KCNH7: variants seen among roughly 807,000 people sequenced by gnomAD.
KCNH7 encodes the protein potassium voltage-gated channel subfamily H member 7, also known as voltage-gated inwardly rectifying potassium channel KCNH7.
A neutral mutation model predicts 120.8 loss-of-function variants in KCNH7; 49 were observed. The ratio of observed to expected loss-of-function variants is 0.41; its 90% confidence interval spans 0.32 to 0.51. The LOEUF (loss-of-function observed/expected upper bound fraction) is 0.51. KCNH7 is among the 20% of genes least tolerant of loss of function. The pLI is 0.38. For missense variants in KCNH7, 1,097 were observed against 1,446.6 expected (o/e 0.76, Z 3.92); for synonymous variants, 547 against 516.1 (o/e 1.06, Z -0.81).
intron 2 of KCNH7, among the ~76,000 whole-genome samples, chr2:162,577,185 G>T (rs183332602): frequency 4.2e-4 from 64 of 152,046 alleles, no homozygotes; most frequent in African/African-American, 1.5e-3. Flanking sequence ...CTCTGAAAGT[G>T]CTGGGATTAC....
intron 2 of KCNH7, among the ~76,000 whole-genome samples, chr2:162,652,693 G>A (rs1167427453): frequency 1.3e-5 from 2 of 152,108 alleles, no homozygotes; most frequent in African/African-American, 4.8e-5. Context: ...TTCCTAACAG[G>A]CCACGGACTG....
chr2:162,485,009 G>A (rs549826443), intron 6 of KCNH7, among the ~76,000 whole-genome samples: 72 of 152,228 alleles, frequency 4.7e-4, no homozygotes, highest in Admixed American at 1.0e-3. Context: ...AGAGCCACAC[G>A]AAACAGATTA....
intron 2 of KCNH7, among the ~76,000 whole-genome samples, chr2:162,601,420 T>TTTTTTTTTTTTTTTTTTTC (rs1694551582): frequency 7.0e-6 from 1 of 143,622 alleles, no homozygotes. Flanking sequence ...TTTTTTTTTT[T>TTTTTTTTTTTTTTTTTTTC]TTTTTTGCTT....
At position 162,480,143 on chromosome 2, in the gene KCNH7, G is replaced by GT. The variant is rs555131987; in HGVS notation, c.1128+24299dup. Among the ~76,000 whole-genome samples the GT allele has an allele frequency of 6.3e-3, 939 of 148,970 alleles. 3 individuals carry two copies. Among genetic ancestry groups the GT allele is most frequent in the Admixed American group, 0.013 (192 of 15,002 alleles). The stretch of plus-strand genomic sequence containing the variant: ...TCAGGTTACTTACTTTAAGAATTCT[G>GT]TTTTTTTTTTAAATTTAAGCCTTAT... On this transcript the variant is annotated intron_variant, in intron 6 of 15. Transcript: ENST00000332142.
chr2:162,414,811 T>G (rs1263002400), intron 9 of KCNH7, among the ~76,000 whole-genome samples: 1 of 152,112 alleles, frequency 6.6e-6, no homozygotes, highest in Non-Finnish European at 1.5e-5. Context: ...GTTGCAATTT[T>G]ATTTAAGTAA....
In KCNH7 at chr2:162,706,381, A is replaced by G. The variant is rs866262061; in HGVS notation, c.307+130156T>C. On this transcript the variant is annotated intron_variant, in intron 2 of 15. Transcript: ENST00000332142. ...GATAATGATGATTTGAACAGTTTCC[A>G]TATACTTCCCACTATGTACTTTATG... Among the ~76,000 whole-genome samples, 9 of 152,094 alleles carry G rather than the reference A, an allele frequency of 5.9e-5. No individual in the cohort carries two copies. In the South Asian group the frequency reaches 6.2e-4, roughly 10 times the overall value.
intron 3 of KCNH7, among the ~76,000 whole-genome samples, chr2:162,525,614 T>C (rs1691673998): frequency 6.6e-6 from 1 of 152,024 alleles, no homozygotes; most frequent in African/African-American, 2.4e-5. Context: ...ACCCATACTT[T>C]CTTTTTGATA....
At chr2:162,772,438 C>T (rs1683089785) in intron 2 of KCNH7, among the ~76,000 whole-genome samples, 1 of 152,198 alleles carries the variant, frequency 6.6e-6, no homozygotes, top group South Asian at 2.1e-4. Flanking sequence ...TATATTATCA[C>T]ATTCAATCCC....
Position 162,757,548 on chromosome 2 carries a change from C to T in KCNH7, c.307+78989G>A, listed in dbSNP as rs148992143. Among the ~76,000 whole-genome samples, 1,185 of 152,026 alleles carry T rather than the reference C, an allele frequency of 7.8e-3. 15 individuals are homozygous for T. Among genetic ancestry groups the T allele is most frequent in the African/African-American group, 0.025 (1,052 of 41,488 alleles). On this transcript the variant is annotated intron_variant, in intron 2 of 15. Coordinates refer to ENST00000332142, the MANE Select transcript of KCNH7 (RefSeq NM_033272.4). ...TAGCCATTTCTCCCTGTAATCCCCA[C>T]AAAAAAATGTATATATCTTTAGAAA...
At chr2:162,415,414 A>G (rs1687509579) in intron 9 of KCNH7, among the ~76,000 whole-genome samples, 4 of 152,300 alleles carry the variant, frequency 2.6e-5, no homozygotes, top group African/African-American at 7.2e-5. Context: ...AAATGTATGT[A>G]TATGATATGC....
At chr2:162,405,697 GATGT>G (rs904169907) in intron 9 of KCNH7, among the ~76,000 whole-genome samples, 1 of 152,006 alleles carries the variant, frequency 6.6e-6, no homozygotes, top group African/African-American at 2.4e-5. Flanking sequence ...CTTCTGATTT[GATGT>G]ATGTGCTTAT....
rs75315534 is a variant in KCNH7 at position 162,589,760 on chromosome 2, G to T, written c.308-52680C>A. Among the ~76,000 whole-genome samples the T allele has an allele frequency of 7.6e-4, 116 of 152,154 alleles. 1 individual carries two copies. The South Asian group carries it at 0.017, about 22-fold the overall frequency. On this transcript the variant is annotated intron_variant, in intron 2 of 15. Coordinates refer to ENST00000332142, the MANE Select transcript of KCNH7 (RefSeq NM_033272.4). Reference sequence around the variant, plus strand: ...TAAAACCATGAATTTAACATAAGAAGACACCAAATTTTCAGATTTTATACT... The same window carrying T: ...TAAAACCATGAATTTAACATAAGAATACACCAAATTTTCAGATTTTATACT...
At chr2:162,787,437 C>G (rs1202781359) in intron 2 of KCNH7, among the ~76,000 whole-genome samples, 2 of 152,156 alleles carry the variant, frequency 1.3e-5, no homozygotes, top group Non-Finnish European at 2.9e-5. Flanking sequence ...CCAGGACCAA[C>G]CCGGTGCCAG....
intron 2 of KCNH7, among the ~76,000 whole-genome samples, chr2:162,642,054 A>G (rs1684175174): frequency 6.6e-6 from 1 of 152,270 alleles, no homozygotes; most frequent in Non-Finnish European, 1.5e-5. Flanking sequence ...TTTCAAATGA[A>G]ACTAAAGACT....
At chr2:162,617,823 TA>T (rs1683203836) in intron 2 of KCNH7, among the ~76,000 whole-genome samples, 1 of 152,098 alleles carries the variant, frequency 6.6e-6, no homozygotes, top group South Asian at 2.1e-4. Context: ...AATTTCTAAA[TA>T]GGGGGAATAA....
At chr2:162,792,936 A>T (rs1047169739) in intron 2 of KCNH7, among the ~76,000 whole-genome samples, 2 of 151,320 alleles carry the variant, frequency 1.3e-5, no homozygotes, top group African/African-American at 4.9e-5. Context: ...GAGCTTTCTA[A>T]CTTTTTGATA....
chr2:162,469,557 T>A (rs1377364530), intron 6 of KCNH7, among the ~76,000 whole-genome samples: 1 of 152,212 alleles, frequency 6.6e-6, no homozygotes, highest in African/African-American at 2.4e-5. Context: ...GGAAATGATA[T>A]GCTTTTTAGA....
At chr2:162,728,821 A>G (rs887020513) in intron 2 of KCNH7, among the ~76,000 whole-genome samples, 2 of 152,144 alleles carry the variant, frequency 1.3e-5, no homozygotes, top group Non-Finnish European at 2.9e-5. Flanking sequence ...CCAAGTTATC[A>G]AATATTATTT....
At chr2:162,730,702 A>G (rs1687693357) in intron 2 of KCNH7, among the ~76,000 whole-genome samples, 1 of 152,080 alleles carries the variant, frequency 6.6e-6, no homozygotes. Context: ...GAAATCAAGA[A>G]ACTCACTGAT....
Sources: gnomAD v4.1 joint callset for allele counts (sites outside exome capture counted in the v4.1 genomes callset) on GRCh38, gnomAD v4.1.1 for gene constraint, MANE v1.5 for transcripts, NCBI Gene and HGNC (gene_info 2026-07-23, HGNC 2026-07-21) for gene names.